Variants in TAFA1 observed in about 807,000 individuals in gnomAD.
The protein encoded by TAFA1 is TAFA chemokine like family member 1, also known as chemokine-like protein TAFA-1.
TAFA1 carries 4 observed loss-of-function variants against 18.5 expected under a neutral mutation model. The observed-to-expected ratio is 0.22, with a 90% CI of 0.11 to 0.49. The LOEUF (loss-of-function observed/expected upper bound fraction) is 0.49. Ranked by LOEUF, TAFA1 falls within the 20% of genes least tolerant of loss-of-function variation. The probability of loss-of-function intolerance (pLI) is 0.98; values close to 1 mark genes in which losing one functional copy is unlikely to be tolerated. For synonymous variants in TAFA1, 56 were observed against 55.2 expected (o/e 1.01, Z -0.06); for missense variants, 147 against 169.0 (o/e 0.87, Z 0.72).
chr3:68,319,004 C>A (rs2068653025), intron 2 of TAFA1, among the ~76,000 whole-genome samples: 1 of 152,136 alleles, frequency 6.6e-6, no homozygotes, highest in Admixed American at 6.6e-5. Flanking sequence ...AGAAATGATT[C>A]TTTCTCTTTC....
chr3:68,431,132 C>T (rs980793233), intron 3 of TAFA1, among the ~76,000 whole-genome samples: 3 of 151,918 alleles, frequency 2.0e-5, no homozygotes, highest in African/African-American at 7.2e-5. Context: ...CAAAGGACGC[C>T]TGACCAGCCT....
chr3:68,059,652 G>T (rs2106722193), intron 2 of TAFA1, among the ~76,000 whole-genome samples: 1 of 152,276 alleles, frequency 6.6e-6, no homozygotes, highest in Middle Eastern at 3.4e-3. Context: ...GTGTGTGTCT[G>T]CACAATGACA....
At chr3:68,368,477 T>C (rs1227817576) in intron 2 of TAFA1, among the ~76,000 whole-genome samples, 2 of 152,134 alleles carry the variant, frequency 1.3e-5, no homozygotes, top group Non-Finnish European at 2.9e-5. Flanking sequence ...CTGTGGCCCA[T>C]GTAGATAACA....
rs937763795 is a variant in TAFA1, at chr3:68,131,575, G to A, written c.118+124831G>A. ...AGTAGATTAAGCAAACTTTTTAGCT[G>A]TTGCTGTGAGCTCTTACATCCACAA... On this transcript the variant is annotated intron_variant, in intron 2 of 4. Transcript: ENST00000478136. 2.0e-5 allele frequency among the ~76,000 whole-genome samples: 3 copies of A among 152,324 alleles called. No individual in the cohort carries two copies. The East Asian group carries it at 5.8e-4, about 29-fold the overall frequency.
intron 2 of TAFA1, among the ~76,000 whole-genome samples, chr3:68,327,873 A>T (rs1220703584): frequency 6.6e-6 from 1 of 152,228 alleles, no homozygotes; most frequent in East Asian, 1.9e-4. Flanking sequence ...AATGAAAAAG[A>T]TATGGACCCA....
At chr3:68,446,512 C>G (rs1377931410) in intron 3 of TAFA1, among the ~76,000 whole-genome samples, 2 of 151,968 alleles carry the variant, frequency 1.3e-5, no homozygotes. Context: ...GCAGCGTATT[C>G]AATTATAAGG....
At chr3:68,266,185 A>T in intron 2 of TAFA1, among the ~76,000 whole-genome samples, 1 of 152,266 alleles carries the variant, frequency 6.6e-6, no homozygotes, top group African/African-American at 2.4e-5. Flanking sequence ...CATCTTTCTC[A>T]TGTAGCGCGC....
chr3:68,518,212 T>C (rs1484561718), intron 3 of TAFA1, among the ~76,000 whole-genome samples: 1 of 152,208 alleles, frequency 6.6e-6, no homozygotes, highest in Non-Finnish European at 1.5e-5. Context: ...TCCTTTTGAT[T>C]GGTTTCCTCC....
intron 2 of TAFA1, among the ~76,000 whole-genome samples, chr3:68,107,132 T>G (rs2065212856): frequency 6.6e-6 from 1 of 152,142 alleles, no homozygotes; most frequent in Non-Finnish European, 1.5e-5. Flanking sequence ...AACTCCACAT[T>G]CAGTGATGCC....
At chr3:68,284,148 G>A (rs17047441) in intron 2 of TAFA1, among the ~76,000 whole-genome samples, 52,987 of 151,946 alleles carry the variant, frequency 0.35, 9,552 homozygotes, top group East Asian at 0.55. Context: ...TGTGTTTTTC[G>A]TCCCTACTAT....
At chr3:68,134,981 T>C (rs1335957999) in intron 2 of TAFA1, among the ~76,000 whole-genome samples, 2 of 152,226 alleles carry the variant, frequency 1.3e-5, no homozygotes, top group Non-Finnish European at 2.9e-5. Context: ...TCTTTAGGCA[T>C]GCAAAATTTC....
At chr3:68,393,198 C>G (rs1383530351) in intron 2 of TAFA1, among the ~76,000 whole-genome samples, 1 of 151,920 alleles carries the variant, frequency 6.6e-6, no homozygotes, top group African/African-American at 2.4e-5. Flanking sequence ...CACAGAAATA[C>G]AAACTATCAT....
intron 2 of TAFA1, among the ~76,000 whole-genome samples, chr3:68,209,136 G>A (rs758170610): frequency 1.5e-4 from 23 of 151,932 alleles, no homozygotes; most frequent in Non-Finnish European, 2.4e-4. Context: ...CAACCTGAGG[G>A]GTTCAGAAGC....
At position 68,092,231 on chromosome 3, in the gene TAFA1, C is replaced by CT. The variant is rs957660739; in HGVS notation, c.118+85497dup. 4.5e-3 allele frequency among the ~76,000 whole-genome samples: 672 copies of CT among 149,396 alleles called. 5 individuals are homozygous for CT. The highest frequency in any genetic ancestry group is 0.014 in the African/African-American group (583 of 40,756). On this transcript the variant is annotated intron_variant, in intron 2 of 4. Coordinates refer to ENST00000478136, the MANE Select transcript of TAFA1 (RefSeq NM_213609.4). ...GAGCATTAATGAATGAAACACACAC[C>CT]TTTTTTTTTTCTGATGCCTAAAGAC...
At chr3:68,499,050 ACTT>A (rs1250881675) in intron 3 of TAFA1, among the ~76,000 whole-genome samples, 1 of 152,034 alleles carries the variant, frequency 6.6e-6, no homozygotes, top group African/African-American at 2.4e-5. Flanking sequence ...AAAGTAGTCA[ACTT>A]CTTGTCATTA....
At chr3:68,458,773 A>G (rs2071715033) in intron 3 of TAFA1, among the ~76,000 whole-genome samples, 1 of 152,002 alleles carries the variant, frequency 6.6e-6, no homozygotes. Context: ...AGACATTTTT[A>G]AACAGTGCTT....
At chr3:68,514,901 A>C (rs2072899340) in intron 3 of TAFA1, among the ~76,000 whole-genome samples, 1 of 152,154 alleles carries the variant, frequency 6.6e-6, no homozygotes, top group African/African-American at 2.4e-5. Flanking sequence ...ATTTTATTAC[A>C]TCTCATGTTT....
chr3:68,006,844 C>A (rs1704368006), intron 2 of TAFA1, 100 bp downstream of exon 2: 1 of 875,298 alleles, frequency 1.1e-6, no homozygotes, highest in Non-Finnish European at 1.9e-6. Flanking sequence ...ATAGTGTGGG[C>A]AGCTTGCCTT....
intron 2 of TAFA1, among the ~76,000 whole-genome samples, chr3:68,415,559 A>T (rs980403188): frequency 1.3e-5 from 2 of 152,084 alleles, no homozygotes; most frequent in African/African-American, 4.8e-5. Flanking sequence ...TCCCTCTAAG[A>T]CAGAAAATAT....
Sources: gnomAD v4.1 joint callset for allele counts (sites outside exome capture counted in the v4.1 genomes callset) on GRCh38, gnomAD v4.1.1 for gene constraint, MANE v1.5 for transcripts, NCBI Gene and HGNC (gene_info 2026-07-23, HGNC 2026-07-21) for gene names.